NOS1AP: variants seen among roughly 807,000 people sequenced by gnomAD.
The protein encoded by NOS1AP is nitric oxide synthase 1 adaptor protein.
NOS1AP carries 21 observed loss-of-function variants against 56.2 expected under a neutral mutation model. The observed-to-expected ratio is 0.37, with a 90% confidence interval of 0.26 to 0.54. NOS1AP has a LOEUF of 0.54. Among genes scored for constraint, NOS1AP ranks in the 20% least tolerant of loss-of-function variants. NOS1AP has a pLI of 0.84. For synonymous variants in NOS1AP, 270 were observed against 274.6 expected (o/e 0.98, Z 0.17); for missense variants, 522 against 657.8 (o/e 0.79, Z 2.26).
chr1:162,274,928 A>G (rs1654690895), intron 2 of NOS1AP, among the ~76,000 whole-genome samples: 1 of 152,114 alleles, frequency 6.6e-6, no homozygotes, highest in Admixed American at 6.6e-5. Context: ...ACAGCTGTTG[A>G]GATTTGAGAG....
chr1:162,107,452 G>A (rs1003280272), intron 1 of NOS1AP, among the ~76,000 whole-genome samples: 1 of 152,168 alleles, frequency 6.6e-6, no homozygotes, highest in Non-Finnish European at 1.5e-5. Flanking sequence ...TCTCACCTCA[G>A]CCTTCTTAGT....
intron 2 of NOS1AP, among the ~76,000 whole-genome samples, chr1:162,216,813 G>C (rs1652583150): frequency 6.6e-6 from 1 of 152,188 alleles, no homozygotes. Flanking sequence ...GTGTGACCTT[G>C]GTCAACTTTC....
chr1:162,252,049 G>GT (rs916321210), intron 2 of NOS1AP, among the ~76,000 whole-genome samples: 17 of 150,610 alleles, frequency 1.1e-4, no homozygotes, highest in South Asian at 2.1e-4. Flanking sequence ...TTTTCTTTTT[G>GT]TTTTTTTTGA....
chr1:162,272,101 C>T (rs919983654), intron 2 of NOS1AP, among the ~76,000 whole-genome samples: 1 of 152,152 alleles, frequency 6.6e-6, no homozygotes, highest in African/African-American at 2.4e-5. Context: ...AATCCTCCAC[C>T]TCAACCTCCT....
chr1:162,287,229 G>C (rs939114487), intron 2 of NOS1AP, 115 bp from the exon 3 acceptor site: 2 of 738,108 alleles, frequency 2.7e-6, no homozygotes, highest in African/African-American at 3.5e-5. Context: ...GCCCCCAGGA[G>C]CTATTCCCCA....
intron 2 of NOS1AP, among the ~76,000 whole-genome samples, chr1:162,164,829 G>A (rs1380286814): frequency 6.6e-6 from 1 of 152,166 alleles, no homozygotes; most frequent in Admixed American, 6.5e-5. Flanking sequence ...GAAAGCCATG[G>A]CAGCACACAC....
chr1:162,229,427 G>C (rs1211921548), intron 2 of NOS1AP, among the ~76,000 whole-genome samples: 2 of 151,898 alleles, frequency 1.3e-5, no homozygotes, highest in African/African-American at 4.8e-5. Context: ...TACCCAGAAT[G>C]GTATGTCTGC....
intron 1 of NOS1AP, among the ~76,000 whole-genome samples, chr1:162,148,535 G>A (rs1649577946): frequency 1.3e-5 from 2 of 152,250 alleles, no homozygotes; most frequent in Non-Finnish European, 2.9e-5. Flanking sequence ...GGAGGAACAT[G>A]TGTAGATGCC....
intron 1 of NOS1AP, among the ~76,000 whole-genome samples, chr1:162,077,079 A>T (rs569721758): frequency 2.0e-5 from 3 of 152,144 alleles, no homozygotes; most frequent in Non-Finnish European, 4.4e-5. Flanking sequence ...GCATGTTTTT[A>T]TTTTTATTTT....
rs1354370260 is a variant in NOS1AP at position 162,369,070 on chromosome 1, GTGTGTGTGTGTTT to G, written c.*1615_*1627del. On this transcript the variant is annotated 3_prime_UTR_variant, in exon 10 of 10. Coordinates refer to ENST00000361897, the MANE Select transcript of NOS1AP (RefSeq NM_014697.3). Reference sequence around the variant, plus strand: ...CAGTGGAAATAGGATCAGGTGGTGTGTGTGTGTGTGTTTTGTGTGTGTGTGTACACATGTGTTT... The same window carrying G: ...CAGTGGAAATAGGATCAGGTGGTGTGTGTGTGTGTGTGTACACATGTGTTT... 6.6e-6 allele frequency: 1 copy of G among 152,280 alleles called. No individual in the cohort carries two copies. Among genetic ancestry groups the G allele is most frequent in the Non-Finnish European group, 1.5e-5 (1 of 68,078 alleles). The allele number at this position is 152,280 out of a possible 1,614,324, so 9.4% of individuals were successfully genotyped here. A position where few individuals can be genotyped will look rare whatever the true frequency, so the allele number is the denominator to read the frequency against.
At chr1:162,302,617 C>T (rs1020052299) in intron 4 of NOS1AP, among the ~76,000 whole-genome samples, 3 of 152,220 alleles carry the variant, frequency 2.0e-5, no homozygotes, top group Non-Finnish European at 4.4e-5. Flanking sequence ...AAAGTTTTCA[C>T]ATGTCCCAAG....
At chr1:162,363,483 A>G (rs1657969026) in intron 8 of NOS1AP, 1 of 152,570 alleles carries the variant, frequency 6.6e-6, no homozygotes, top group African/African-American at 2.4e-5. Flanking sequence ...TGGAGGCTTT[A>G]TTATGTAGGC....
intron 2 of NOS1AP, among the ~76,000 whole-genome samples, chr1:162,236,536 C>T (rs1388630396): frequency 6.6e-6 from 1 of 152,224 alleles, no homozygotes; most frequent in East Asian, 1.9e-4. Flanking sequence ...CATTAAAGCA[C>T]ACCCTTTGCC....
chr1:162,198,669 C>A (rs1218955886), intron 2 of NOS1AP, among the ~76,000 whole-genome samples: 2 of 152,190 alleles, frequency 1.3e-5, no homozygotes, highest in Non-Finnish European at 2.9e-5. Context: ...GTTCCTCTGA[C>A]TCAAATTTAA....
intron 2 of NOS1AP, among the ~76,000 whole-genome samples, chr1:162,251,093 TGATA>T (rs1247493944): frequency 6.6e-6 from 1 of 151,636 alleles, no homozygotes; most frequent in African/African-American, 2.4e-5. Flanking sequence ...TTTGTTTGTT[TGATA>T]GTGTCATGAG....
At chr1:162,356,210 G>A (rs1291643409) in intron 7 of NOS1AP, among the ~76,000 whole-genome samples, 3 of 152,170 alleles carry the variant, frequency 2.0e-5, no homozygotes, top group African/African-American at 7.2e-5. Context: ...GTCTGAAGAA[G>A]TCCCCACAGC....
At chr1:162,090,651 A>T (rs987872720) in intron 1 of NOS1AP, among the ~76,000 whole-genome samples, 12 of 152,110 alleles carry the variant, frequency 7.9e-5, no homozygotes, top group African/African-American at 2.6e-4. Flanking sequence ...TAATTAAAAA[A>T]TTTCCCTAAG....
chr1:162,134,774 A>G (rs946076993), intron 1 of NOS1AP, among the ~76,000 whole-genome samples: 3 of 152,100 alleles, frequency 2.0e-5, no homozygotes, highest in Non-Finnish European at 2.9e-5. Context: ...TCTCCAATCT[A>G]TCATCCATGA....
intron 3 of NOS1AP, among the ~76,000 whole-genome samples, chr1:162,293,744 T>G (rs1655347879): frequency 6.6e-6 from 1 of 152,232 alleles, no homozygotes; most frequent in African/African-American, 2.4e-5. Context: ...GATTTCATCA[T>G]TTGGAGTTAC....
Sources: allele counts gnomAD v4.1 joint callset (sites outside exome capture counted in the v4.1 genomes callset), GRCh38; gene constraint gnomAD v4.1.1; transcripts MANE v1.5; gene names NCBI Gene and HGNC (gene_info 2026-07-23, HGNC 2026-07-21).